Variants in TUSC3 observed in about 807,000 individuals in gnomAD.
TUSC3 encodes the protein dolichyl-diphosphooligosaccharide--protein glycosyltransferase subunit TUSC3.
TUSC3 carries 45 observed loss-of-function variants against 44.8 expected under a neutral mutation model. That is an observed-to-expected ratio of 1.00 (90% CI 0.79 to 1.29). The LOEUF (loss-of-function observed/expected upper bound fraction) is 1.29. Among genes scored for constraint, TUSC3 ranks in the 50% most tolerant of loss-of-function variants. The pLI, the probability that TUSC3 is intolerant of heterozygous loss-of-function variation, is 0.00. For synonymous variants in TUSC3, 212 were observed against 152.9 expected (o/e 1.39, Z -2.85); for missense variants, 519 against 437.9 (o/e 1.19, Z -1.65).
At chr8:15,661,804 A>C (rs1585204494) in intron 4 of TUSC3, among the ~76,000 whole-genome samples, 2 of 6,124 alleles carry the variant, frequency 3.3e-4, no homozygotes, top group Admixed American at 2.0e-3. Flanking sequence ...TAGTTTGTCT[A>C]TATATATATA....
At chr8:15,730,299 A>G (rs1810665019) in intron 6 of TUSC3, among the ~76,000 whole-genome samples, 1 of 152,172 alleles carries the variant, frequency 6.6e-6, no homozygotes. Context: ...ACATTTGGTC[A>G]TTTCTAACTT....
chr8:15,738,541 G>C (rs1418314393), intron 7 of TUSC3, among the ~76,000 whole-genome samples: 1 of 152,082 alleles, frequency 6.6e-6, no homozygotes, highest in Non-Finnish European at 1.5e-5. Context: ...TTGAGTAATA[G>C]CAACAGACTC....
intron 6 of TUSC3, chr8:15,689,034 C>A: frequency 3.3e-6 from 1 of 303,702 alleles, no homozygotes. Context: ...CCACCCAGTG[C>A]AGGGGGATGA....
At chr8:15,450,481 C>G (rs181088544) in intron 1 of TUSC3, among the ~76,000 whole-genome samples, 71 of 152,206 alleles carry the variant, frequency 4.7e-4, no homozygotes, top group African/African-American at 1.5e-3. Flanking sequence ...GTCAGGAGTT[C>G]AAGCCCAGCC....
At chr8:15,608,039 G>A (rs557633505) in intron 1 of TUSC3, among the ~76,000 whole-genome samples, 1 of 152,300 alleles carries the variant, frequency 6.6e-6, no homozygotes, top group East Asian at 1.9e-4. Flanking sequence ...TGGTGAGAAT[G>A]TCTATAACAA....
intron 2 of TUSC3, among the ~76,000 whole-genome samples, chr8:15,519,807 C>G (rs1280759420): frequency 6.6e-6 from 1 of 152,180 alleles, no homozygotes; most frequent in Non-Finnish European, 1.5e-5. Flanking sequence ...TCAAAGGCAA[C>G]TAGGTGCCTG....
intron 1 of TUSC3, among the ~76,000 whole-genome samples, chr8:15,571,974 G>A (rs983438778): frequency 5.3e-5 from 8 of 152,088 alleles, no homozygotes. Context: ...CATTTATAGA[G>A]CACAGGCACA....
chr8:15,425,135 C>T (rs1799787873), intron 1 of TUSC3, among the ~76,000 whole-genome samples: 1 of 151,998 alleles, frequency 6.6e-6, no homozygotes. Flanking sequence ...AGTGTGATTA[C>T]AATGAAAGGT....
chr8:15,560,369 A>G lies in TUSC3; in HGVS notation c.138+19801A>G, dbSNP rs1386798181. Among the ~76,000 whole-genome samples the G allele has an allele frequency of 9.4e-5, 13 of 138,736 alleles. 1 individual carries two copies. Among genetic ancestry groups the G allele is most frequent in the Admixed American group, 2.9e-4 (4 of 13,928 alleles). The allele number at this position is 138,736 out of a possible 152,430, so 91.0% of individuals were successfully genotyped here. A position where few individuals can be genotyped will look rare whatever the true frequency, so the allele number is the denominator to read the frequency against. On this transcript the variant is annotated intron_variant, in intron 1 of 10. Transcript: ENST00000503731. ...TGGCTTGTAGGGTTTCTGCTGAGAG[A>G]TCCGCTGTTAGTCTGATGGGCTTCC... is the stretch of plus-strand genomic sequence containing the variant.
chr8:15,547,966 TTTTAAC>T (rs1305219956), intron 1 of TUSC3, among the ~76,000 whole-genome samples: 2 of 151,728 alleles, frequency 1.3e-5, no homozygotes, highest in Non-Finnish European at 2.9e-5. Context: ...TTTCTGTTAT[TTTTAAC>T]TTTATTTTAT....
chr8:15,550,672 G>A (rs10102165), intron 1 of TUSC3, among the ~76,000 whole-genome samples: 71,277 of 150,376 alleles, frequency 0.47, 17,854 homozygotes, highest in East Asian at 0.59. Flanking sequence ...TAATTAGTTA[G>A]TTAATTATTT....
chr8:15,693,984 C>T (rs1443296620), intron 6 of TUSC3, among the ~76,000 whole-genome samples: 2 of 152,102 alleles, frequency 1.3e-5, no homozygotes, highest in Non-Finnish European at 2.9e-5. Flanking sequence ...GCTCTATCAG[C>T]TCAGTTTAGT....
chr8:15,571,326 T>G (rs1234707016), intron 1 of TUSC3, among the ~76,000 whole-genome samples: 1 of 152,184 alleles, frequency 6.6e-6, no homozygotes, highest in Non-Finnish European at 1.5e-5. Context: ...GACATGGGCT[T>G]GGTGCCAGAC....
chr8:15,649,871 A>G (rs866270639), intron 2 of TUSC3, among the ~76,000 whole-genome samples: 4 of 152,226 alleles, frequency 2.6e-5, no homozygotes, highest in Middle Eastern at 6.8e-3. Flanking sequence ...GGGGGAGATA[A>G]ACTCTAGAGA....
At chr8:15,836,677 C>CT in the TUSC3 span, among the ~76,000 whole-genome samples, 1 of 152,070 alleles carries the variant, frequency 6.6e-6, no homozygotes, top group East Asian at 1.9e-4. Context: ...ATCTATCTTC[C>CT]TTCCACTTAC....
chr8:15,838,886 T>G, the TUSC3 span, among the ~76,000 whole-genome samples: 1 of 152,170 alleles, frequency 6.6e-6, no homozygotes, highest in Non-Finnish European at 1.5e-5. Flanking sequence ...TTTTTCCAAT[T>G]CTGTGAGGAA....
At chr8:15,590,141 TA>T (rs1330580300) in intron 1 of TUSC3, among the ~76,000 whole-genome samples, 1 of 152,210 alleles carries the variant, frequency 6.6e-6, no homozygotes, top group Non-Finnish European at 1.5e-5. Flanking sequence ...CATTTATGGA[TA>T]TTTTAAAATT....
the TUSC3 span, among the ~76,000 whole-genome samples, chr8:15,772,163 A>G: frequency 1.3e-5 from 2 of 152,030 alleles, no homozygotes; most frequent in African/African-American, 4.8e-5. Context: ...AAAAAGAAAA[A>G]CAAACCCAAA....
the TUSC3 span, among the ~76,000 whole-genome samples, chr8:15,788,929 A>C: frequency 2.0e-5 from 3 of 152,180 alleles, no homozygotes; most frequent in African/African-American, 7.2e-5. Flanking sequence ...TCTCATTGGC[A>C]GGTGTTAGAT....
Sources: gnomAD v4.1 joint callset for allele counts (sites outside exome capture counted in the v4.1 genomes callset) on GRCh38, gnomAD v4.1.1 for gene constraint, MANE v1.5 for transcripts, NCBI Gene and HGNC (gene_info 2026-07-23, HGNC 2026-07-21) for gene names.